The following VWA5B1 variants were observed in gnomAD, a reference collection of about 807,000 sequenced individuals.
VWA5B1 encodes the protein von Willebrand factor A domain-containing protein 5B1.
VWA5B1 carries 115 observed loss-of-function variants against 118.2 expected under a neutral mutation model. The ratio of observed to expected loss-of-function variants is 0.97; its 90% CI spans 0.84 to 1.14. VWA5B1 has a LOEUF of 1.14. VWA5B1 is among the 50% of genes most tolerant of loss of function. VWA5B1 has a pLI of 0.00. For synonymous variants in VWA5B1, 682 were observed against 658.4 expected (o/e 1.04, Z -0.55); for missense variants, 1,596 against 1,603.8 (o/e 1.00, Z 0.08).
chr1:20,317,233 T>C (rs1276628429), intron 4 of VWA5B1, among the ~76,000 whole-genome samples: 1 of 150,664 alleles, frequency 6.6e-6, no homozygotes, highest in Non-Finnish European at 1.5e-5. Flanking sequence ...TGTCCCCACA[T>C]GGAAAGTGGA....
intron 7 of VWA5B1, 99 bp downstream of exon 7, chr1:20,319,605 G>A (rs368323397): frequency 1.3e-5 from 19 of 1,486,064 alleles, no homozygotes; most frequent in East Asian, 2.5e-5. Context: ...TAACCTGCCC[G>A]AGGTCATCCA....
Position 20,310,427 on chromosome 1 carries a change from G to A in VWA5B1, c.-26-149G>A, listed in dbSNP as rs565267394. 1.3e-4 allele frequency: 95 copies of A among 728,982 alleles called. 1 individual carries two copies. In the African/African-American group the frequency reaches 1.5e-3, roughly 12 times the overall value. The allele number at this position is 728,982 out of a possible 1,614,324, so 45.2% of individuals were successfully genotyped here. On this transcript the variant is annotated intron_variant, in intron 1 of 21. Coordinates refer to ENST00000289815, the MANE Select transcript of VWA5B1 (RefSeq NM_001039500.3). Reference sequence around the variant, plus strand: ...CAGGGGAGATTGGTAGTTATCCTGCGGTCACTTCCTTCCCAGGAACTGGGA... The same window carrying A: ...CAGGGGAGATTGGTAGTTATCCTGCAGTCACTTCCTTCCCAGGAACTGGGA...
Position 20,343,177 on chromosome 1 carries a change from A to G in VWA5B1, c.2410A>G (p.Thr804Ala), listed in dbSNP as rs1183470992. ...GCGAGCCAGTCCCAGCAGGCCCGCC[A>G]CCCCGGCCCCGGTGCTGGGCAAGGC... is the stretch of plus-strand genomic sequence containing the variant. Reference protein sequence around the residue: ...QERASPSRPATPAPVLGKALV... With the variant: ...QERASPSRPAAPAPVLGKALV... Residue 804 changes from threonine to alanine, a missense_variant, in exon 16 of 22, where the codon ACC (threonine) becomes GCC (alanine). Thr to Ala is a moderately conservative substitution (Grantham distance 58). Coordinates refer to ENST00000289815, the MANE Select transcript of VWA5B1 (RefSeq NM_001039500.3). 1.4e-5 allele frequency: 21 copies of G among 1,548,958 alleles called. No individual in the cohort carries two copies. The highest frequency in any genetic ancestry group is 8.7e-7 in the Non-Finnish European group (1 of 1,146,364).
intron 12 of VWA5B1, among the ~76,000 whole-genome samples, chr1:20,335,242 G>T (rs1014865272): frequency 6.6e-6 from 1 of 152,170 alleles, no homozygotes; most frequent in Non-Finnish European, 1.5e-5. Context: ...TCAAGCCCAG[G>T]AGTTGGAGGC....
chr1:20,334,413 C>T (rs886605587), intron 12 of VWA5B1, among the ~76,000 whole-genome samples: 1 of 152,184 alleles, frequency 6.6e-6, no homozygotes, highest in Admixed American at 6.5e-5. Flanking sequence ...ATACTGGCAA[C>T]GTTTGCCCTG....
intron 7 of VWA5B1, among the ~76,000 whole-genome samples, chr1:20,322,176 A>G (rs2089239664): frequency 6.6e-6 from 1 of 152,208 alleles, no homozygotes; most frequent in Admixed American, 6.5e-5. Flanking sequence ...GCGTGGAGTG[A>G]GGAAAAGAGG....
At chr1:20,336,607 C>A in intron 13 of VWA5B1, 121 bp downstream of exon 13, 3 of 1,109,412 alleles carry the variant, frequency 2.7e-6, no homozygotes, top group East Asian at 3.2e-5. Context: ...GTTATACCCA[C>A]TTTACAGATG....
intron 1 of VWA5B1, among the ~76,000 whole-genome samples, chr1:20,297,467 C>T (rs893841232): frequency 6.6e-6 from 1 of 152,214 alleles, no homozygotes; most frequent in Non-Finnish European, 1.5e-5. Context: ...CACATCTAGG[C>T]CTTCAAGGAA....
rs551791209 is a variant in VWA5B1 at position 20,308,927 on chromosome 1, G to A, written c.-26-1649G>A. 6.0e-4 allele frequency among the ~76,000 whole-genome samples: 92 copies of A among 152,250 alleles called. 1 individual carries two copies. The highest frequency in any genetic ancestry group is 5.3e-4 in the Non-Finnish European group (36 of 68,006). On this transcript the variant is annotated intron_variant, in intron 1 of 21. Coordinates refer to ENST00000289815, the MANE Select transcript of VWA5B1 (RefSeq NM_001039500.3). ...AAGGGCAGCAGGCTACCAGCCCAGG[G>A]AAGCTTTGCCTGGCACCTACCCCGC...
At chr1:20,291,291 G>A (rs1298721705) in intron 1 of VWA5B1, among the ~76,000 whole-genome samples, 1 of 151,822 alleles carries the variant, frequency 6.6e-6, no homozygotes, top group Non-Finnish European at 1.5e-5. Flanking sequence ...AGCATAAGAA[G>A]TGAGGGAGCA....
chr1:20,318,805 C>G, intron 6 of VWA5B1, 84 bp downstream of exon 6: 5 of 1,404,980 alleles, frequency 3.6e-6, no homozygotes, highest in Non-Finnish European at 4.6e-6. Context: ...TGTGGCCCCC[C>G]GCCCAGCAGC....
rs557539009 is a variant in VWA5B1, at chr1:20,332,973, C to T, written c.1758+22C>T. On this transcript the variant is annotated intron_variant, in intron 12 of 21. Coordinates refer to ENST00000289815, the MANE Select transcript of VWA5B1 (RefSeq NM_001039500.3). Reference sequence around the variant, plus strand: ...ATCTGTAAGTATCCTAGAAATTCCACGGGTCCGTGTGGGCCCAGAACCCAT... The same window carrying T: ...ATCTGTAAGTATCCTAGAAATTCCATGGGTCCGTGTGGGCCCAGAACCCAT... The T allele has an allele frequency of 2.6e-5, 41 of 1,550,418 alleles. No homozygotes were observed. The African/African-American group carries it at 3.6e-4, about 13-fold the overall frequency.
chr1:20,348,614 G>A (rs536730525), intron 18 of VWA5B1, among the ~76,000 whole-genome samples: 12 of 152,214 alleles, frequency 7.9e-5, no homozygotes, highest in South Asian at 6.2e-4. Flanking sequence ...CCTCCCTGCC[G>A]GCACCTCTCC....
chr1:20,349,813 T>C (rs1249041933), intron 18 of VWA5B1, among the ~76,000 whole-genome samples: 1 of 150,846 alleles, frequency 6.6e-6, no homozygotes, highest in Non-Finnish European at 1.5e-5. Context: ...AAGCACTATC[T>C]GCGTATTATC....
intron 1 of VWA5B1, among the ~76,000 whole-genome samples, chr1:20,291,853 G>A (rs1033386): frequency 6.6e-6 from 1 of 152,090 alleles, no homozygotes; most frequent in Non-Finnish European, 1.5e-5. Flanking sequence ...GCAGTGTGGC[G>A]CCTGCTAACG....
At chr1:20,333,652 C>T (rs943937484) in intron 12 of VWA5B1, among the ~76,000 whole-genome samples, 17 of 152,206 alleles carry the variant, frequency 1.1e-4, no homozygotes, top group Admixed American at 2.0e-4. Context: ...CTAGTAAGCG[C>T]GTATCTCCTT....
At chr1:20,305,213 G>T (rs1348725560) in intron 1 of VWA5B1, among the ~76,000 whole-genome samples, 1 of 152,186 alleles carries the variant, frequency 6.6e-6, no homozygotes, top group African/African-American at 2.4e-5. Context: ...TTAGGAATGA[G>T]CGAGTGGTCT....
chr1:20,352,906 C>A (rs557617765), intron 21 of VWA5B1, among the ~76,000 whole-genome samples: 3 of 152,320 alleles, frequency 2.0e-5, no homozygotes, highest in African/African-American at 7.2e-5. Context: ...TTGAACTAGA[C>A]AAACATAGTT....
At chr1:20,346,167 A>G (rs2090003826) in intron 17 of VWA5B1, among the ~76,000 whole-genome samples, 1 of 152,204 alleles carries the variant, frequency 6.6e-6, no homozygotes, top group Admixed American at 6.5e-5. Context: ...TCCTCAGAAT[A>G]GCCAATTAGT....
Sources: allele counts gnomAD v4.1 joint callset (sites outside exome capture counted in the v4.1 genomes callset), GRCh38; gene constraint gnomAD v4.1.1; transcripts MANE v1.5; gene names NCBI Gene and HGNC (gene_info 2026-07-23, HGNC 2026-07-21).